The following SEPTIN12 variants were observed in gnomAD, a reference collection of about 807,000 sequenced individuals.
SEPTIN12 encodes the protein septin 12.
A neutral mutation model predicts 37.7 loss-of-function variants in SEPTIN12; 42 were observed. The observed-to-expected ratio is 1.11, with a 90% CI of 0.87 to 1.44. The LOEUF (loss-of-function observed/expected upper bound fraction) is 1.44. SEPTIN12 is among the 40% of genes most tolerant of loss of function. The pLI is 0.00. For missense variants in SEPTIN12, 613 were observed against 479.2 expected (o/e 1.28, Z -2.61); for synonymous variants, 254 against 196.7 (o/e 1.29, Z -2.44).
At position 4,783,240 on chromosome 16, in the gene SEPTIN12, C is replaced by G. The variant is rs1251746233; in HGVS notation, c.726+222G>C. ...TCTCTATATATTCAGGATACAAGCC[C>G]CTTATTGGGTATGTGATTCGCAGAC... is the stretch of plus-strand genomic sequence containing the variant. On this transcript the variant is annotated intron_variant, in intron 7 of 9. Coordinates refer to ENST00000268231, the MANE Select transcript of SEPTIN12 (RefSeq NM_144605.5). The G allele has an allele frequency of 5.2e-6, 3 of 577,694 alleles. No homozygotes were observed. The East Asian group carries it at 8.9e-5, about 17-fold the overall frequency. 35.8% of individuals were successfully genotyped at this position (577,694 alleles called of 1,614,324 possible). A position where few individuals can be genotyped will look rare whatever the true frequency, so the allele number is the denominator to read the frequency against.
rs948996053 is a variant in SEPTIN12 at position 4,786,050 on chromosome 16, C to A, written c.222G>T (p.Val74=). The change falls in exon 3 of 10, where the codon GTG becomes GTT. Residue 74 remains valine (V), a synonymous_variant. Coordinates refer to ENST00000268231, the MANE Select transcript of SEPTIN12 (RefSeq NM_144605.5). The part of the protein sequence containing the change: ...TMVNTLFKSK[V]WKSNPPGLGV... ...CCAAGCCCGGTGGGTTTGACTTCCA[C>A]ACTTTGGACTTGAACAGCGTGTTCA... 2 of 1,613,926 alleles carry A rather than the reference C, an allele frequency of 1.2e-6. No individual in the cohort carries two copies. Among genetic ancestry groups the A allele is most frequent in the South Asian group, 1.1e-5 (1 of 91,058 alleles).
At chr16:4,787,289 T>C (rs1281365476) in intron 2 of SEPTIN12, among the ~76,000 whole-genome samples, 191 bp downstream of exon 2, 1 of 152,088 alleles carries the variant, frequency 6.6e-6, no homozygotes, top group Non-Finnish European at 1.5e-5. Flanking sequence ...GAGCCACCGC[T>C]CCAGGCACAT....
At position 4,784,058 on chromosome 16, in the gene SEPTIN12, T is replaced by TG; in HGVS notation, c.384dup (p.Ile129HisfsTer50). 6.2e-7 allele frequency: 1 copy of TG among 1,614,116 alleles called. No individual in the cohort carries two copies. The highest frequency in any genetic ancestry group is 1.3e-5 in the African/African-American group (1 of 75,038). On this transcript the variant is annotated frameshift_variant, in exon 5 of 10. Coordinates refer to ENST00000268231, the MANE Select transcript of SEPTIN12 (RefSeq NM_144605.5). LOFTEE classifies it high-confidence loss of function. Reference sequence around the variant, plus strand: ...TATTGCTCGTTGATGTAGCCCAGGATGGGGTCCCAGCTGAGGCGGGAGGTG... The same window carrying TG: ...TATTGCTCGTTGATGTAGCCCAGGATGGGGGTCCCAGCTGAGGCGGGAGGTG...
Position 4,787,520 on chromosome 16 carries a change from C to T in SEPTIN12, c.126G>A (p.Lys42=), listed in dbSNP as rs769528545. The T allele has an allele frequency of 1.2e-6, 2 of 1,613,072 alleles. No individual in the cohort carries two copies. The highest frequency in any genetic ancestry group is 1.7e-5 in the Admixed American group (1 of 59,996). Residue 42 remains lysine (K), a synonymous_variant, in exon 2 of 10, where the codon AAG becomes AAA. Transcript: ENST00000268231. ...TGAACTCAAACCCCATCTTCATAGC[C>T]TTGATCTTCAGCTGGTCCAGCACAG... The part of the protein sequence containing the change: ...IEAVLDQLKI[K]AMKMGFEFNI...
chr16:4,784,105 C>T (rs1235026416), intron 4 of SEPTIN12, 37 bp from the exon 5 acceptor site: 1 of 1,611,604 alleles, frequency 6.2e-7, no homozygotes, highest in Non-Finnish European at 8.5e-7. Flanking sequence ...CAGAACTGTG[C>T]TGTGCCCAGA....
intron 1 of SEPTIN12, 104 bp from the exon 2 acceptor site, chr16:4,787,771 C>G (rs1288038649): frequency 6.5e-6 from 4 of 611,692 alleles, no homozygotes; most frequent in Non-Finnish European, 8.7e-6. Flanking sequence ...TTGGCCAACC[C>G]CCTCCACACT....
intron 2 of SEPTIN12, among the ~76,000 whole-genome samples, chr16:4,786,400 G>C (rs1019449939): frequency 6.6e-6 from 1 of 150,396 alleles, no homozygotes; most frequent in African/African-American, 2.5e-5. Context: ...TGTCACCCAG[G>C]CTGGAGCGCG....
Position 4,783,460 on chromosome 16 carries a change from AC to A in SEPTIN12, c.726+1del, listed in dbSNP as rs769490281. 1.2e-6 allele frequency: 2 copies of A among 1,613,022 alleles called. No homozygotes were observed. The highest frequency in any genetic ancestry group is 2.2e-5 in the South Asian group (2 of 91,052). ...CCCGCCTCCCGCCCCACAGCCTCTC[AC>A]CCGTAACTTGCTGTTGAGGATTTTG... On this transcript the variant is annotated splice_donor_variant, in intron 7 of 9. Coordinates refer to ENST00000268231, the MANE Select transcript of SEPTIN12 (RefSeq NM_144605.5). LOFTEE classifies it high-confidence loss of function.
Position 4,786,066 on chromosome 16 carries a change from A to T in SEPTIN12, c.206T>A (p.Leu69Gln). 6.2e-7 allele frequency: 1 copy of T among 1,613,890 alleles called. No homozygotes were observed. Among genetic ancestry groups the T allele is most frequent in the Non-Finnish European group, 8.5e-7 (1 of 1,179,882 alleles). The change falls in exon 3 of 10, where the codon CTG (leucine) becomes CAG (glutamine). Residue 69 changes from leucine to glutamine, a missense_variant. Leu to Gln is a moderately radical substitution (Grantham distance 113, BLOSUM62 -2). Coordinates refer to ENST00000268231, the MANE Select transcript of SEPTIN12 (RefSeq NM_144605.5). ...TGACTTCCACACTTTGGACTTGAAC[A>T]GCGTGTTCACCATCGTGGACTTGCC... ...GLGKSTMVNT[L>Q]FKSKVWKSNP... is the part of the protein sequence containing the mutation.
chr16:4,778,137 A>G lies in SEPTIN12; in HGVS notation c.824T>C (p.Val275Ala). Residue 275 changes from valine (V) to alanine (A), a missense_variant and splice_region_variant, in exon 9 of 10, where the codon GTG becomes GCG. Physicochemically the swap from Val to Ala is moderately conservative, Grantham distance 64. Transcript: ENST00000268231. ...AAATTCACAGTGCGCCATGTTCTCC[A>G]CTGCAAGACATGGGACTCAGTATGG... Reference protein sequence around the residue: ...GRKTKWGIIEVENMAHCEFPL... With the variant: ...GRKTKWGIIEAENMAHCEFPL... 6.2e-7 allele frequency: 1 copy of G among 1,614,084 alleles called. No individual in the cohort carries two copies. The highest frequency in any genetic ancestry group is 2.2e-5 in the East Asian group (1 of 44,876).
Position 4,778,099 on chromosome 16 carries a change from C to G in SEPTIN12, c.862G>C (p.Asp288His). The stretch of plus-strand genomic sequence containing the variant: ...CCACACCCTCACCGGATAAGCAGGT[C>G]TCTCAGGAGAGGAAATTCACAGTGC... ...MAHCEFPLLR[D>H]LLIRSHLQDL... Residue 288 changes from aspartate to histidine, a missense_variant, in exon 9 of 10, where the codon GAC becomes CAC. Asp to His is a moderately conservative substitution (Grantham distance 81). Transcript: ENST00000268231. 2 of 1,614,170 alleles carry G rather than the reference C, an allele frequency of 1.2e-6. No individual in the cohort carries two copies. Among genetic ancestry groups the G allele is most frequent in the Non-Finnish European group, 1.7e-6 (2 of 1,180,020 alleles).
At position 4,783,954 on chromosome 16, in the gene SEPTIN12, G is replaced by A. The variant is rs149245315; in HGVS notation, c.489C>T (p.Tyr163=). 6 of 1,614,076 alleles carry A rather than the reference G, an allele frequency of 3.7e-6. No individual in the cohort carries two copies. The highest frequency in any genetic ancestry group is 5.1e-6 in the Non-Finnish European group (6 of 1,180,030). Reference sequence around the variant, plus strand: ...ACCAGTGCCCAGTGGGTGGTACAAAGTACACGCAGCAGTGCACCCGGGTGT... The same window carrying A: ...ACCAGTGCCCAGTGGGTGGTACAAAATACACGCAGCAGTGCACCCGGGTGT... ...IPDTRVHCCV[Y]FVPPTGHCLR... The change falls in exon 5 of 10, where the codon TAC becomes TAT. Residue 163 remains tyrosine (Y), a synonymous_variant. Coordinates refer to ENST00000268231, the MANE Select transcript of SEPTIN12 (RefSeq NM_144605.5).
chr16:4,783,774 A>G lies in SEPTIN12; in HGVS notation c.513-8T>C, dbSNP rs372339691. 4.0e-5 allele frequency: 65 copies of G among 1,612,834 alleles called. No individual in the cohort carries two copies. Among genetic ancestry groups the G allele is most frequent in the Middle Eastern group, 3.3e-4 (2 of 5,996 alleles). Reference sequence around the variant, plus strand: ...ATGTCCAGGGGCCGCAGGCTGCCGGAGGCAGGGCAGTGATGGGGGTGGCGG... The same window carrying G: ...ATGTCCAGGGGCCGCAGGCTGCCGGGGGCAGGGCAGTGATGGGGGTGGCGG... On this transcript the variant is annotated splice_region_variant and splice_polypyrimidine_tract_variant and intron_variant, in intron 5 of 9. Coordinates refer to ENST00000268231, the MANE Select transcript of SEPTIN12 (RefSeq NM_144605.5).
upstream of SEPTIN12, among the ~76,000 whole-genome samples, chr16:4,791,429 A>T (rs1283601469): frequency 1.3e-5 from 2 of 152,110 alleles, no homozygotes; most frequent in Admixed American, 1.3e-4. Context: ...TCATGCTTCG[A>T]CGGCTCTGAC....
intron 7 of SEPTIN12, 41 bp downstream of exon 7, chr16:4,783,421 A>T: frequency 7.0e-7 from 1 of 1,420,906 alleles, no homozygotes; most frequent in Non-Finnish European, 9.9e-7. Flanking sequence ...ATGTGTGGGA[A>T]GGAAATCACC....
chr16:4,791,457 T>A (rs186139673), upstream of SEPTIN12, among the ~76,000 whole-genome samples: 1 of 152,232 alleles, frequency 6.6e-6, no homozygotes, highest in Non-Finnish European at 1.5e-5. Flanking sequence ...ATCAGTTCAT[T>A]TCATCCTCAC....
intron 7 of SEPTIN12, among the ~76,000 whole-genome samples, chr16:4,780,322 A>T (rs1053733357): frequency 2.0e-5 from 3 of 151,584 alleles, no homozygotes; most frequent in Non-Finnish European, 4.4e-5. Flanking sequence ...TCCTGGGCTC[A>T]AGTGATCCTC....
chr16:4,778,130 G>A lies in SEPTIN12; in HGVS notation c.831C>T (p.Asn277=), dbSNP rs775511795. Residue 277 remains asparagine (N), a synonymous_variant, in exon 9 of 10, where the codon AAC becomes AAT. Coordinates refer to ENST00000268231, the MANE Select transcript of SEPTIN12 (RefSeq NM_144605.5). Reference sequence around the variant, plus strand: ...GGAGAGGAAATTCACAGTGCGCCATGTTCTCCACTGCAAGACATGGGACTC... The same window carrying A: ...GGAGAGGAAATTCACAGTGCGCCATATTCTCCACTGCAAGACATGGGACTC... The part of the protein sequence containing the change: ...KTKWGIIEVE[N]MAHCEFPLLR... 6.2e-7 allele frequency: 1 copy of A among 1,614,224 alleles called. No homozygotes were observed. The highest frequency in any genetic ancestry group is 2.2e-5 in the East Asian group (1 of 44,886).
rs924642320 is a variant in SEPTIN12 at position 4,779,658 on chromosome 16, A to G, written c.823+32T>C. 5.1e-6 allele frequency: 7 copies of G among 1,377,920 alleles called. No individual in the cohort carries two copies. In the Admixed American group the frequency reaches 1.0e-4, roughly 20 times the overall value. The allele number at this position is 1,377,920 out of a possible 1,614,324, so 85.4% of individuals were successfully genotyped here. On this transcript the variant is annotated intron_variant, in intron 8 of 9. Coordinates refer to ENST00000268231, the MANE Select transcript of SEPTIN12 (RefSeq NM_144605.5). ...CTGCTCTGGTTTCCAAACTGACCCC[A>G]CCTGCATCCTACCCAGGGGCCCCGC...
Sources: gnomAD v4.1 joint callset for allele counts (sites outside exome capture counted in the v4.1 genomes callset) on GRCh38, gnomAD v4.1.1 for gene constraint, MANE v1.5 for transcripts, NCBI Gene and HGNC (gene_info 2026-07-23, HGNC 2026-07-21) for gene names.